Variants in LRP1B observed in about 807,000 individuals in gnomAD.
The protein encoded by LRP1B is LDL receptor related protein 1B.
Under a neutral mutation model 556.6 loss-of-function variants are expected in LRP1B, and 217 were observed. The ratio of observed to expected loss-of-function variants is 0.39; its 90% CI spans 0.35 to 0.44. The LOEUF is 0.44. Ranked by LOEUF, LRP1B falls within the 20% of genes least tolerant of loss-of-function variation. The pLI, the probability that LRP1B is intolerant of heterozygous loss-of-function variation, is 1.00. For missense variants in LRP1B, 5,053 were observed against 5,620.8 expected (o/e 0.90, Z 3.23); for synonymous variants, 2,047 against 1,865.8 (o/e 1.10, Z -2.50).
chr2:140,435,804 A>G (rs1017770434), intron 66 of LRP1B, among the ~76,000 whole-genome samples: 12 of 152,192 alleles, frequency 7.9e-5, no homozygotes, highest in African/African-American at 2.7e-4. Flanking sequence ...TAGACTATTT[A>G]GTGACTCCCA....
intron 6 of LRP1B, among the ~76,000 whole-genome samples, chr2:141,188,978 T>C (rs559685476): frequency 5.3e-5 from 8 of 152,138 alleles, no homozygotes; most frequent in Admixed American, 2.0e-4. Flanking sequence ...TTTCTGAGTG[T>C]AAGGCAAATC....
rs148196008 is a variant in LRP1B at position 141,600,017 on chromosome 2, C to A, written c.206-119484G>T. On this transcript the variant is annotated intron_variant, in intron 2 of 90. Transcript: ENST00000389484. ...GCTCCTTAGTGGCAGTTTTCTCATT[C>A]AAATATAAATCAATCTCCCTTTTCT... Among the ~76,000 whole-genome samples, 1,067 of 152,236 alleles carry A rather than the reference C, an allele frequency of 7.0e-3. 2 individuals carry two copies. The highest frequency in any genetic ancestry group is 0.012 in the Non-Finnish European group (796 of 68,006).
chr2:140,246,685 C>T (rs554044182), intron 87 of LRP1B, among the ~76,000 whole-genome samples: 1 of 151,498 alleles, frequency 6.6e-6, no homozygotes, highest in Admixed American at 6.6e-5. Context: ...CTTTCTCCCC[C>T]CAAGACACAT....
intron 35 of LRP1B, among the ~76,000 whole-genome samples, chr2:140,741,692 G>A (rs558172139): frequency 2.6e-5 from 4 of 151,674 alleles, no homozygotes; most frequent in Admixed American, 2.6e-4. Context: ...GTATCCATAT[G>A]TACTCAATGT....
At chr2:140,341,506 C>T (rs1681387753) in intron 77 of LRP1B, among the ~76,000 whole-genome samples, 1 of 151,328 alleles carries the variant, frequency 6.6e-6, no homozygotes. Context: ...CAAGACCATT[C>T]TCCAGGTGAT....
At chr2:140,716,520 C>T (rs1421144054) in intron 36 of LRP1B, among the ~76,000 whole-genome samples, 162 bp downstream of exon 36, 1 of 152,070 alleles carries the variant, frequency 6.6e-6, no homozygotes, top group African/African-American at 2.4e-5. Context: ...GGCTCAAAAA[C>T]ATTAGAAGGA....
chr2:141,970,334 A>C (rs1701692995), intron 1 of LRP1B, among the ~76,000 whole-genome samples: 1 of 151,622 alleles, frequency 6.6e-6, no homozygotes, highest in Non-Finnish European at 1.5e-5. Context: ...TTTTAGATCA[A>C]GAATGTGGTA....
intron 2 of LRP1B, among the ~76,000 whole-genome samples, chr2:141,677,938 A>G (rs1228434615): frequency 6.6e-6 from 1 of 152,204 alleles, no homozygotes; most frequent in Non-Finnish European, 1.5e-5. Flanking sequence ...AGGTTTGAGT[A>G]GATGGTATAT....
rs1415103427 is a variant in LRP1B, at chr2:140,284,307, C to A, written c.12968-9709G>T. 4.0e-5 allele frequency among the ~76,000 whole-genome samples: 5 copies of A among 125,802 alleles called. No individual in the cohort carries two copies. The South Asian group carries it at 1.2e-3, about 29-fold the overall frequency. 82.5% of individuals were successfully genotyped at this position (125,802 alleles called of 152,430 possible). On this transcript the variant is annotated intron_variant, in intron 84 of 90. Coordinates refer to ENST00000389484, the MANE Select transcript of LRP1B (RefSeq NM_018557.3). ...AATACATGGCTTCCCCCCCTCCCCCCCAAAAAAAAACCGTTTTTCAGAGTG... is the reference window on the plus strand; with the variant it reads ...AATACATGGCTTCCCCCCCTCCCCCACAAAAAAAAACCGTTTTTCAGAGTG...
chr2:142,017,462 T>C (rs1703185005), intron 1 of LRP1B, among the ~76,000 whole-genome samples: 1 of 152,230 alleles, frequency 6.6e-6, no homozygotes, highest in African/African-American at 2.4e-5. Context: ...TGATTTTAAA[T>C]GTGGTAATTC....
At chr2:141,286,980 A>C (rs904506859) in intron 3 of LRP1B, among the ~76,000 whole-genome samples, 1 of 152,212 alleles carries the variant, frequency 6.6e-6, no homozygotes. Flanking sequence ...GTTAATTTAA[A>C]TAGCCGTATG....
intron 3 of LRP1B, among the ~76,000 whole-genome samples, chr2:141,290,901 T>C (rs539695575): frequency 6.6e-6 from 1 of 152,260 alleles, no homozygotes; most frequent in African/African-American, 2.4e-5. Context: ...CAAAATGCCA[T>C]GTTTCAAGCC....
rs894197052 is a variant in LRP1B at position 140,759,385 on chromosome 2, T to A, written c.5758+9828A>T. ...GCTGACAATCAAGTTATATTTCTGG[T>A]TCCACTTCAGTTTTCTCCTACTCAA... is the stretch of plus-strand genomic sequence containing the variant. On this transcript the variant is annotated intron_variant, in intron 35 of 90. Transcript: ENST00000389484. Among the ~76,000 whole-genome samples, 32 of 152,196 alleles carry A rather than the reference T, an allele frequency of 2.1e-4. 1 individual carries two copies. The highest frequency in any genetic ancestry group is 1.5e-5 in the Non-Finnish European group (1 of 68,026).
At chr2:140,884,092 G>A in intron 24 of LRP1B, 71 bp from the exon 25 acceptor site, 1 of 1,354,770 alleles carries the variant, frequency 7.4e-7, no homozygotes, top group Non-Finnish European at 1.0e-6. Context: ...AAAGGCCTTT[G>A]TGCCTGTGAT....
intron 41 of LRP1B, among the ~76,000 whole-genome samples, chr2:140,671,091 C>T (rs1264198286): frequency 6.6e-6 from 1 of 152,164 alleles, no homozygotes; most frequent in Non-Finnish European, 1.5e-5. Flanking sequence ...CAAATTACCA[C>T]TGCTTTGGTA....
chr2:141,525,039 TG>T lies in LRP1B; in HGVS notation c.206-44507del, dbSNP rs545849001. Reference sequence around the variant, plus strand: ...CTTGCTTTTCATTAATATCGACTCTTGTTTTTTTGTTTTCTTTTTTTTGACT... The same window carrying T: ...CTTGCTTTTCATTAATATCGACTCTTTTTTTTTGTTTTCTTTTTTTTGACT... On this transcript the variant is annotated intron_variant, in intron 2 of 90. Coordinates refer to ENST00000389484, the MANE Select transcript of LRP1B (RefSeq NM_018557.3). 6.1e-4 allele frequency among the ~76,000 whole-genome samples: 93 copies of T among 152,112 alleles called. 1 individual carries two copies. The highest frequency in any genetic ancestry group is 1.2e-3 in the Non-Finnish European group (80 of 68,018).
intron 66 of LRP1B, among the ~76,000 whole-genome samples, chr2:140,400,639 C>T (rs1684454793): frequency 6.6e-6 from 1 of 152,136 alleles, no homozygotes; most frequent in South Asian, 2.1e-4. Flanking sequence ...ATGTCTCTTC[C>T]ACTTGGAAGG....
At chr2:141,516,821 C>G (rs1209268333) in intron 2 of LRP1B, among the ~76,000 whole-genome samples, 1 of 151,064 alleles carries the variant, frequency 6.6e-6, no homozygotes, top group Non-Finnish European at 1.5e-5. Context: ...CCTCAGCCTC[C>G]CAAGTAGCTA....
chr2:141,644,007 AGAGTGTGTGTGTGT>A lies in LRP1B; in HGVS notation c.206-163488_206-163475del, dbSNP rs1210470950. On this transcript the variant is annotated intron_variant, in intron 2 of 90. Transcript: ENST00000389484. ...CAATAAATGTTTAGGGAGAATGTGG[AGAGTGTGTGTGTGT>A]GTGTGTGTGTGTGTGTGTGTGTGTG... Among the ~76,000 whole-genome samples, 496 of 142,312 alleles carry A rather than the reference AGAGTGTGTGTGTGT, an allele frequency of 3.5e-3. 4 individuals are homozygous for A. Among genetic ancestry groups the A allele is most frequent in the Middle Eastern group, 7.2e-3 (2 of 276 alleles). The allele number at this position is 142,312 out of a possible 152,430, so 93.4% of individuals were successfully genotyped here.
Sources: gnomAD v4.1 joint callset for allele counts (sites outside exome capture counted in the v4.1 genomes callset) on GRCh38, gnomAD v4.1.1 for gene constraint, MANE v1.5 for transcripts, NCBI Gene and HGNC (gene_info 2026-07-23, HGNC 2026-07-21) for gene names.